The following FN1 variants were observed in gnomAD, a reference collection of about 807,000 sequenced individuals.
FN1 encodes fibronectin.
In FN1, 106 loss-of-function variants were observed where a neutral mutation model predicts 297.3. That is an observed-to-expected ratio of 0.36 (90% CI 0.30 to 0.42). The LOEUF is 0.42. FN1 is among the 10% of genes least tolerant of loss of function. The pLI is 1.00. For synonymous variants in FN1, 1,149 were observed against 1,152.6 expected, an observed-to-expected ratio of 1.00 and a Z score of 0.06; for missense variants, 2,690 against 3,124.9, an observed-to-expected ratio of 0.86 and a Z score of 3.32.
Position 215,425,190 on chromosome 2 carries a change from C to T in FN1, c.940G>A (p.Val314Met), listed in dbSNP as rs759685164. 1.2e-6 allele frequency: 2 copies of T among 1,614,034 alleles called. No homozygotes were observed. Among genetic ancestry groups the T allele is most frequent in the Admixed American group, 1.7e-5 (1 of 60,008 alleles). ...CACTGCATCCCCACAGAGTAGACCA[C>T]ACCACTGTCTGTGACACAGTGGCCA... ...PYGHCVTDSG[V>M]VYSVGMQWLK... is the part of the protein sequence containing the mutation. The change falls in exon 7 of 46, where the codon GTG becomes ATG. Residue 314 changes from valine (V) to methionine (M), a missense_variant. Val to Met is a conservative substitution (Grantham distance 21). This residue lies in a region of FN1 where 876 missense variants were observed against 1,058.1 expected (regional missense o/e 0.83). Coordinates refer to ENST00000354785, the MANE Select transcript of FN1 (RefSeq NM_212482.4).
chr2:215,429,650 A>C (rs2066123102), intron 5 of FN1, among the ~76,000 whole-genome samples: 1 of 152,200 alleles, frequency 6.6e-6, no homozygotes, highest in African/African-American at 2.4e-5. Context: ...ATTTCTGTTG[A>C]AATCTTTAAT....
In FN1 at chr2:215,361,521, A is replaced by G. The variant is rs772528941; in HGVS notation, c.*34T>C. 27 of 1,416,714 alleles carry G rather than the reference A, an allele frequency of 1.9e-5. No homozygotes were observed. In the East Asian group the frequency reaches 5.7e-4, roughly 30 times the overall value. 87.8% of individuals were successfully genotyped at this position (1,416,714 alleles called of 1,614,324 possible). ...CCAGTTTAGATGGATCTTGGCAGAG[A>G]GACATGCTTGTTCCTCTGGATTGGA... is the stretch of plus-strand genomic sequence containing the variant. On this transcript the variant is annotated 3_prime_UTR_variant, in exon 46 of 46. Transcript: ENST00000354785.
At chr2:215,398,521 C>A (rs2060584656) in intron 21 of FN1, among the ~76,000 whole-genome samples, 1 of 152,180 alleles carries the variant, frequency 6.6e-6, no homozygotes, top group Non-Finnish European at 1.5e-5. Context: ...AAAAGGTATA[C>A]TGGCACTCTT....
intron 25 of FN1, chr2:215,392,689 T>C (rs961043737): frequency 1.3e-5 from 7 of 555,738 alleles, no homozygotes; most frequent in African/African-American, 5.7e-5. Context: ...AGCAGACATC[T>C]GTATTTCTCT....
intron 42 of FN1, 166 bp downstream of exon 42, chr2:215,367,697 C>A: frequency 1.4e-6 from 1 of 727,208 alleles, no homozygotes; most frequent in East Asian, 2.7e-5. Context: ...AATTTCCCAT[C>A]ATTTTTCTAT....
intron 34 of FN1, 27 bp downstream of exon 34, chr2:215,379,103 T>C (rs1306182864): frequency 6.2e-7 from 1 of 1,600,090 alleles, no homozygotes; most frequent in Non-Finnish European, 8.6e-7. Context: ...TCCATCTTTA[T>C]TCCAATGAAC....
At chr2:215,368,667 G>A (rs1559328200) in intron 41 of FN1, among the ~76,000 whole-genome samples, 1 of 152,016 alleles carries the variant, frequency 6.6e-6, no homozygotes, top group South Asian at 2.1e-4. Context: ...TTGCATAATA[G>A]TGCAGAAAGC....
intron 36 of FN1, 28 bp from the exon 37 acceptor site, chr2:215,375,746 AC>A (rs2057167553): frequency 7.0e-7 from 1 of 1,438,532 alleles, no homozygotes; most frequent in Non-Finnish European, 9.8e-7. Flanking sequence ...ATGATTTTTA[AC>A]AGTTCTTGCT....
In FN1 at chr2:215,423,457, T is replaced by C. The variant is rs2064796489; in HGVS notation, c.1286A>G (p.His429Arg). Reference sequence around the variant, plus strand: ...CTCAGAAGTGCAATCAGTGTAATTGTGGTTGTTGTATAGGAAGGGGAAGTG... The same window carrying C: ...CTCAGAAGTGCAATCAGTGTAATTGCGGTTGTTGTATAGGAAGGGGAAGTG... Reference protein sequence around the residue: ...LCHFPFLYNNHNYTDCTSEGR... With the variant: ...LCHFPFLYNNRNYTDCTSEGR... The change falls in exon 9 of 46, where the codon CAC becomes CGC. Residue 429 changes from histidine to arginine, a missense_variant. His to Arg is a conservative substitution (Grantham distance 29). This residue lies in a region of FN1 where 876 missense variants were observed against 1,058.1 expected (regional missense o/e 0.83). Transcript: ENST00000354785. 2 of 1,614,238 alleles carry C rather than the reference T, an allele frequency of 1.2e-6. No individual in the cohort carries two copies. The highest frequency in any genetic ancestry group is 1.7e-6 in the Non-Finnish European group (2 of 1,180,036).
chr2:215,433,192 G>A (rs2066833644), intron 3 of FN1, 132 bp downstream of exon 3: 2 of 1,063,144 alleles, frequency 1.9e-6, no homozygotes, highest in Middle Eastern at 2.2e-4. Context: ...GACCACTTAA[G>A]AGTACCTGGT....
At chr2:215,398,132 C>T (rs768448609) in intron 21 of FN1, among the ~76,000 whole-genome samples, 1 of 152,168 alleles carries the variant, frequency 6.6e-6, no homozygotes, top group Admixed American at 6.5e-5. Context: ...TGTTACAAAC[C>T]AGACGTATAC....
At chr2:215,398,570 T>C (rs1441371485) in intron 21 of FN1, among the ~76,000 whole-genome samples, 2 of 152,194 alleles carry the variant, frequency 1.3e-5, no homozygotes, top group African/African-American at 4.8e-5. Flanking sequence ...TAATCATAAA[T>C]ATGGCCATTT....
chr2:215,403,397 T>C (rs1476943951), intron 20 of FN1, among the ~76,000 whole-genome samples: 2 of 152,198 alleles, frequency 1.3e-5, no homozygotes, highest in Non-Finnish European at 2.9e-5. Context: ...TTGTATGGAC[T>C]TTTTGAATGC....
At chr2:215,415,781 G>T (rs1234764574) in intron 12 of FN1, among the ~76,000 whole-genome samples, 1 of 151,970 alleles carries the variant, frequency 6.6e-6, no homozygotes, top group Admixed American at 6.6e-5. Flanking sequence ...GGAAAATAAG[G>T]GAAGTAGCAT....
At chr2:215,362,282 T>A (rs1040926799) in intron 44 of FN1, 6 of 586,772 alleles carry the variant, frequency 1.0e-5, no homozygotes, top group Non-Finnish European at 1.2e-5. Flanking sequence ...TATACCTACA[T>A]CTGTCTCTCT....
chr2:215,375,655 G>A lies in FN1; in HGVS notation c.5951C>T (p.Ser1984Phe). The change falls in exon 37 of 46, where the codon TCC (serine) becomes TTC (phenylalanine). Residue 1984 changes from serine (S) to phenylalanine (F), a missense_variant. Ser to Phe is a radical substitution (Grantham distance 155). Transcript: ENST00000354785. ...LYTLNDNARS[S>F]PVVIDASTAI... is the part of the protein sequence containing the mutation. ...AGTGGAGGCGTCGATGACCACAGGG[G>A]AGCTCCGAGCATTGTCATTCAAGGT... 2 of 1,613,164 alleles carry A rather than the reference G, an allele frequency of 1.2e-6. No homozygotes were observed. The highest frequency in any genetic ancestry group is 1.7e-6 in the Non-Finnish European group (2 of 1,179,130).
In FN1 at chr2:215,376,024, T is replaced by G. The variant is rs138371793; in HGVS notation, c.5888-306A>C. Among the ~76,000 whole-genome samples the G allele has an allele frequency of 1.2e-3, 176 of 152,324 alleles. 1 individual carries two copies. The highest frequency in any genetic ancestry group is 3.8e-3 in the African/African-American group (157 of 41,564). ...GTCAGCCACTTATTGAGGTTTTCTC[T>G]TTACCGTAATCAGATGGTCAATAGT... On this transcript the variant is annotated intron_variant, in intron 36 of 45. Transcript: ENST00000354785.
intron 21 of FN1, among the ~76,000 whole-genome samples, chr2:215,398,465 ACAT>A (rs1424524634): frequency 6.6e-6 from 1 of 152,244 alleles, no homozygotes; most frequent in African/African-American, 2.4e-5. Flanking sequence ...GATCCTTCAC[ACAT>A]CATAAGGCTT....
rs575012224 is a variant in FN1, at chr2:215,371,846, T to G, written c.6714+63A>C. 3.5e-4 allele frequency: 496 copies of G among 1,428,762 alleles called. 2 individuals carry two copies. Among genetic ancestry groups the G allele is most frequent in the Admixed American group, 4.9e-4 (29 of 59,682 alleles). 88.5% of individuals were successfully genotyped at this position (1,428,762 alleles called of 1,614,324 possible). ...ACTTTTTATTCGAGGGCTGGTCACTTCAGTTACCTAACTTATTCCTTTCTG... is the reference window on the plus strand; with the variant it reads ...ACTTTTTATTCGAGGGCTGGTCACTGCAGTTACCTAACTTATTCCTTTCTG... On this transcript the variant is annotated intron_variant, in intron 40 of 45. Transcript: ENST00000354785.
Sources: allele counts gnomAD v4.1 joint callset (sites outside exome capture counted in the v4.1 genomes callset), GRCh38; gene constraint gnomAD v4.1.1; regional missense constraint gnomAD v4.1.1; transcripts MANE v1.5; gene names NCBI Gene and HGNC (gene_info 2026-07-23, HGNC 2026-07-21).